The following VAT1L variants were observed in gnomAD, a reference collection of about 807,000 sequenced individuals.
The protein encoded by VAT1L is putative NADPH-dependent quinone oxidoreductase VAT1L.
VAT1L carries 34 observed loss-of-function variants against 44.1 expected under a neutral mutation model. The observed-to-expected ratio is 0.77, with a 90% CI of 0.59 to 1.03. The LOEUF is 1.03. Ranked by LOEUF, VAT1L falls within the 50% of genes least tolerant of loss-of-function variation. The pLI, the probability that VAT1L is intolerant of heterozygous loss-of-function variation, is 0.00. For synonymous variants in VAT1L, 253 were observed against 202.2 expected, an observed-to-expected ratio of 1.25 and a Z score of -2.13; for missense variants, 615 against 538.8, an observed-to-expected ratio of 1.14 and a Z score of -1.40.
At chr16:77,815,265 C>T (rs778964752) in intron 1 of VAT1L, among the ~76,000 whole-genome samples, 1 of 152,186 alleles carries the variant, frequency 6.6e-6, no homozygotes, top group Non-Finnish European at 1.5e-5. Flanking sequence ...TCTTTGACTG[C>T]TTTTTAGAAG....
At chr16:77,839,122 G>C (rs2016673511) in intron 3 of VAT1L, among the ~76,000 whole-genome samples, 1 of 152,100 alleles carries the variant, frequency 6.6e-6, no homozygotes, top group African/African-American at 2.4e-5. Context: ...GTAAGTGCCT[G>C]GTCTAGAGGA....
Position 77,977,726 on chromosome 16 carries a change from T to C in VAT1L, c.*31T>C. The C allele has an allele frequency of 6.2e-7, 1 of 1,605,562 alleles. No homozygotes were observed. Among genetic ancestry groups the C allele is most frequent in the Non-Finnish European group, 8.5e-7 (1 of 1,174,810 alleles). ...GACCCAGGTGGGAGAATGTGAAGGA[T>C]GGTTTGGAAGATGAGGACCCGGCTG... is the stretch of plus-strand genomic sequence containing the variant. On this transcript the variant is annotated 3_prime_UTR_variant, in exon 9 of 9. Coordinates refer to ENST00000302536, the MANE Select transcript of VAT1L (RefSeq NM_020927.3).
At chr16:77,917,076 T>C (rs376669184) in intron 7 of VAT1L, among the ~76,000 whole-genome samples, 2 of 152,310 alleles carry the variant, frequency 1.3e-5, no homozygotes, top group Non-Finnish European at 2.9e-5. Flanking sequence ...TTGAGTTAAT[T>C]TGTCCCTTGG....
At chr16:77,790,594 CA>C (rs566745651) in intron 1 of VAT1L, among the ~76,000 whole-genome samples, 3 of 151,676 alleles carry the variant, frequency 2.0e-5, no homozygotes, top group Admixed American at 6.6e-5. Context: ...ACCACTTCAT[CA>C]AAAAAAATTA....
chr16:77,920,868 A>T (rs567255093), intron 7 of VAT1L, among the ~76,000 whole-genome samples: 13 of 152,290 alleles, frequency 8.5e-5, no homozygotes, highest in African/African-American at 3.1e-4. Context: ...TCACACAATA[A>T]CAAAACCCCC....
intron 3 of VAT1L, among the ~76,000 whole-genome samples, chr16:77,861,670 C>T (rs2016915522): frequency 6.6e-6 from 1 of 152,224 alleles, no homozygotes; most frequent in Non-Finnish European, 1.5e-5. Flanking sequence ...ACTTAACATG[C>T]CGAAGGTTGC....
chr16:77,916,843 C>A (rs1369065038), intron 7 of VAT1L, among the ~76,000 whole-genome samples: 4 of 150,608 alleles, frequency 2.7e-5, no homozygotes, highest in Admixed American at 2.0e-4. Context: ...TTCAAAGCAA[C>A]CCCTGTCATT....
At chr16:77,804,641 A>G (rs1312492606) in intron 1 of VAT1L, among the ~76,000 whole-genome samples, 1 of 152,122 alleles carries the variant, frequency 6.6e-6, no homozygotes, top group Non-Finnish European at 1.5e-5. Context: ...CATGCTGGCC[A>G]TCATGATGAG....
chr16:77,816,285 T>C (rs903091457), intron 1 of VAT1L, among the ~76,000 whole-genome samples: 1 of 152,212 alleles, frequency 6.6e-6, no homozygotes, highest in Non-Finnish European at 1.5e-5. Flanking sequence ...AGTATTCCCA[T>C]ATCTATTGGG....
At chr16:77,909,639 A>G (rs1289041327) in intron 7 of VAT1L, among the ~76,000 whole-genome samples, 19 of 68,660 alleles carry the variant, frequency 2.8e-4, no homozygotes, top group African/African-American at 1.1e-3. Context: ...TCTGTCTCAA[A>G]AAAAAAAAAA....
intron 7 of VAT1L, among the ~76,000 whole-genome samples, chr16:77,954,717 G>A (rs1035580143): frequency 1.3e-5 from 2 of 152,158 alleles, no homozygotes; most frequent in African/African-American, 4.8e-5. Context: ...CTTTGCATGA[G>A]TCACCCAAGC....
chr16:77,837,947 G>A (rs2016657864), intron 3 of VAT1L, among the ~76,000 whole-genome samples: 1 of 152,180 alleles, frequency 6.6e-6, no homozygotes, highest in Non-Finnish European at 1.5e-5. Context: ...TTTACAGCCA[G>A]AAGCAAACAG....
chr16:77,789,772 T>G (rs943243526), intron 1 of VAT1L, among the ~76,000 whole-genome samples: 1 of 152,116 alleles, frequency 6.6e-6, no homozygotes, highest in Non-Finnish European at 1.5e-5. Flanking sequence ...CTGCCCTCTA[T>G]TCCCCATTCC....
At chr16:77,949,184 C>T (rs1396923092) in intron 7 of VAT1L, among the ~76,000 whole-genome samples, 2 of 152,128 alleles carry the variant, frequency 1.3e-5, no homozygotes, top group Non-Finnish European at 2.9e-5. Flanking sequence ...GATGCAGTGA[C>T]AGAGTGGAGA....
chr16:77,920,472 A>T (rs2017599655), intron 7 of VAT1L, among the ~76,000 whole-genome samples: 1 of 152,198 alleles, frequency 6.6e-6, no homozygotes, highest in African/African-American at 2.4e-5. Flanking sequence ...CACACACCTC[A>T]TCAGCATTTG....
chr16:77,847,159 T>G (rs1027178736), intron 3 of VAT1L, among the ~76,000 whole-genome samples: 6 of 152,100 alleles, frequency 3.9e-5, no homozygotes, highest in Non-Finnish European at 5.9e-5. Flanking sequence ...GAGTTTTTGC[T>G]GCTCTTGGAG....
At chr16:77,933,676 G>C (rs912105348) in intron 7 of VAT1L, among the ~76,000 whole-genome samples, 12 of 152,312 alleles carry the variant, frequency 7.9e-5, no homozygotes, top group African/African-American at 2.9e-4. Context: ...AAGCAAAGGA[G>C]GAGAGGTCTT....
chr16:77,876,260 T>C (rs1387675697), intron 4 of VAT1L, 110 bp from the exon 5 acceptor site: 22 of 925,076 alleles, frequency 2.4e-5, no homozygotes, highest in Non-Finnish European at 3.9e-5. Context: ...CCTGGAGCTT[T>C]CAGGGTTCCT....
chr16:77,895,775 G>C (rs1206478356), intron 7 of VAT1L, among the ~76,000 whole-genome samples: 1 of 152,244 alleles, frequency 6.6e-6, no homozygotes, highest in Non-Finnish European at 1.5e-5. Flanking sequence ...TGCTTACAGA[G>C]TGCCTGCCTG....
Sources: allele counts gnomAD v4.1 joint callset (sites outside exome capture counted in the v4.1 genomes callset), GRCh38; gene constraint gnomAD v4.1.1; transcripts MANE v1.5; gene names NCBI Gene and HGNC (gene_info 2026-07-23, HGNC 2026-07-21).